The following CDC42SE2 variants were observed in gnomAD, a reference collection of about 807,000 sequenced individuals.
CDC42SE2 encodes CDC42 small effector protein 2.
Under a neutral mutation model 11.5 loss-of-function variants are expected in CDC42SE2, and 3 were observed. The observed-to-expected ratio is 0.26, with a 90% CI of 0.12 to 0.67. CDC42SE2 has a LOEUF of 0.67. Among genes scored for constraint, CDC42SE2 ranks in the 30% least tolerant of loss-of-function variants. The pLI, the probability that CDC42SE2 is intolerant of heterozygous loss-of-function variation, is 0.80. For missense variants in CDC42SE2, 82 were observed against 106.8 expected, an observed-to-expected ratio of 0.77 and a Z score of 1.02; for synonymous variants, 33 against 34.8, an observed-to-expected ratio of 0.95 and a Z score of 0.18.
chr5:131,346,051 C>G (rs975343526), intron 2 of CDC42SE2, among the ~76,000 whole-genome samples: 1 of 152,096 alleles, frequency 6.6e-6, no homozygotes, highest in Admixed American at 6.6e-5. Context: ...CAAAAACATG[C>G]CAAATTATAA....
At chr5:131,331,297 CA>C (rs1255766466) in intron 2 of CDC42SE2, among the ~76,000 whole-genome samples, 2 of 151,926 alleles carry the variant, frequency 1.3e-5, no homozygotes, top group African/African-American at 4.8e-5. Flanking sequence ...GACAAGTTAC[CA>C]AGTCAAATGC....
rs1416978192 is a variant in CDC42SE2 at position 131,352,182 on chromosome 5, A to C, written c.-285-7027A>C. Among the ~76,000 whole-genome samples the C allele has an allele frequency of 2.0e-5, 3 of 152,222 alleles. 1 individual carries two copies. The highest frequency in any genetic ancestry group is 6.5e-5 in the Admixed American group (1 of 15,290). ...AGGAATAACTGGAACTCTCAATGCA[A>C]AGTGGTAAAACTGGTTTAGAAAACT... On this transcript the variant is annotated intron_variant, in intron 2 of 4. Coordinates refer to ENST00000505065, the MANE Select transcript of CDC42SE2 (RefSeq NM_001375635.1).
chr5:131,230,137 TACTTGTTCTAATG>T, the CDC42SE2 span, among the ~76,000 whole-genome samples: 2,592 of 152,330 alleles, frequency 0.017, 79 homozygotes, highest in African/African-American at 0.059. Context: ...CTGAGCATCC[TACTTGTTCTAATG>T]ACAATTCTGT....
intron 1 of CDC42SE2, among the ~76,000 whole-genome samples, chr5:131,303,662 A>G (rs898409914): frequency 6.6e-6 from 1 of 152,222 alleles, no homozygotes; most frequent in Non-Finnish European, 1.5e-5. Context: ...CTGATAACAG[A>G]TACCCTAAGG....
intron 2 of CDC42SE2, among the ~76,000 whole-genome samples, chr5:131,334,478 C>T (rs190500144): frequency 2.0e-5 from 3 of 152,108 alleles, no homozygotes; most frequent in South Asian, 4.1e-4. Flanking sequence ...GCTGGCCTCC[C>T]TAAAATGAGT....
At chr5:131,389,832 TC>T (rs1339709324) in intron 4 of CDC42SE2, among the ~76,000 whole-genome samples, 1 of 152,164 alleles carries the variant, frequency 6.6e-6, no homozygotes, top group African/African-American at 2.4e-5. Context: ...TAGTGCTCTC[TC>T]TCCACTAGTT....
At chr5:131,222,757 C>T in the CDC42SE2 span, among the ~76,000 whole-genome samples, 1 of 152,182 alleles carries the variant, frequency 6.6e-6, no homozygotes, top group East Asian at 1.9e-4. Flanking sequence ...GGTGTGGACA[C>T]AGAAGAGGAT....
chr5:131,278,132 T>C (rs1028089729), intron 1 of CDC42SE2, among the ~76,000 whole-genome samples: 7 of 152,144 alleles, frequency 4.6e-5, no homozygotes, highest in African/African-American at 1.7e-4. Context: ...ATTCCAGGTG[T>C]GTGCCACCAC....
chr5:131,309,570 T>C (rs1448660127), intron 1 of CDC42SE2, among the ~76,000 whole-genome samples: 3 of 151,414 alleles, frequency 2.0e-5, no homozygotes, highest in Non-Finnish European at 4.4e-5. Flanking sequence ...TGAATCCATC[T>C]GGTCCTGGAC....
intron 1 of CDC42SE2, among the ~76,000 whole-genome samples, chr5:131,276,809 T>C (rs969461402): frequency 6.6e-6 from 1 of 151,646 alleles, no homozygotes; most frequent in Non-Finnish European, 1.5e-5. Context: ...TTCACTGCAA[T>C]CTCTGCCTCC....
intron 1 of CDC42SE2, among the ~76,000 whole-genome samples, chr5:131,245,883 G>C (rs905502938): frequency 4.6e-5 from 7 of 152,012 alleles, no homozygotes; most frequent in Admixed American, 1.3e-4. Context: ...CTATTTTACA[G>C]TCTATGACAG....
chr5:131,364,203 G>A (rs986289191), intron 3 of CDC42SE2, among the ~76,000 whole-genome samples: 2 of 152,094 alleles, frequency 1.3e-5, no homozygotes, highest in African/African-American at 4.8e-5. Context: ...AGTGCACCGT[G>A]GAAAAAGAAA....
upstream of CDC42SE2, among the ~76,000 whole-genome samples, chr5:131,244,484 G>A (rs1481113482): frequency 1.3e-5 from 2 of 152,208 alleles, no homozygotes; most frequent in African/African-American, 4.8e-5. Context: ...GCCAAGGTAG[G>A]TGGATCACTT....
intron 1 of CDC42SE2, among the ~76,000 whole-genome samples, chr5:131,309,482 C>T (rs1473215329): frequency 1.3e-5 from 2 of 151,672 alleles, no homozygotes; most frequent in Non-Finnish European, 2.9e-5. Flanking sequence ...GGGAGGATTC[C>T]CTCTTTTTCT....
chr5:131,251,146 A>G (rs1362029746), intron 1 of CDC42SE2, among the ~76,000 whole-genome samples: 2 of 152,214 alleles, frequency 1.3e-5, no homozygotes, highest in Non-Finnish European at 2.9e-5. Context: ...TAACAAATAA[A>G]TGACTTAACA....
At position 131,381,622 on chromosome 5, in the gene CDC42SE2, CCA is replaced by C. The variant is rs1171388613; in HGVS notation, c.55-3920_55-3919del. On this transcript the variant is annotated intron_variant, in intron 3 of 4. Transcript: ENST00000505065. ...ACAGGCGTGAGCCACCACATCCGGC[CCA>C]AATGCTGTTGATTTTATCCACTGAC... 2.6e-5 allele frequency among the ~76,000 whole-genome samples: 4 copies of C among 152,306 alleles called. No homozygotes were observed. In the East Asian group the frequency reaches 7.7e-4, roughly 29 times the overall value.
intron 3 of CDC42SE2, among the ~76,000 whole-genome samples, chr5:131,370,300 A>G (rs1749981228): frequency 6.6e-6 from 1 of 152,194 alleles, no homozygotes; most frequent in South Asian, 2.1e-4. Flanking sequence ...AAAGAAACTT[A>G]TGGTTAAATA....
At chr5:131,249,343 G>C (rs1756621915) in intron 1 of CDC42SE2, among the ~76,000 whole-genome samples, 1 of 152,122 alleles carries the variant, frequency 6.6e-6, no homozygotes, top group Admixed American at 6.6e-5. Flanking sequence ...AAGTATCAGG[G>C]AGAGAGGATT....
chr5:131,346,344 G>T (rs1455661732), intron 2 of CDC42SE2, among the ~76,000 whole-genome samples: 1 of 152,082 alleles, frequency 6.6e-6, no homozygotes, highest in Non-Finnish European at 1.5e-5. Flanking sequence ...AAAAGGAGGG[G>T]TTGCAATCCT....
Sources: allele counts gnomAD v4.1 joint callset (sites outside exome capture counted in the v4.1 genomes callset), GRCh38; gene constraint gnomAD v4.1.1; transcripts MANE v1.5; gene names NCBI Gene and HGNC (gene_info 2026-07-23, HGNC 2026-07-21).